The following ZNF423 variants were observed in gnomAD, a reference collection of about 807,000 sequenced individuals.
ZNF423 encodes zinc finger protein 423.
In ZNF423, 12 loss-of-function variants were observed where a neutral mutation model predicts 95.8. The observed-to-expected ratio is 0.13, with a 90% CI of 0.08 to 0.20. The LOEUF (loss-of-function observed/expected upper bound fraction) is 0.20, where lower values mean the gene tolerates loss of function less well. Among genes scored for constraint, ZNF423 ranks in the 10% least tolerant of loss-of-function variants. The pLI, the probability that ZNF423 is intolerant of heterozygous loss-of-function variation, is 1.00. For missense variants in ZNF423, 1,316 were observed against 1,737.1 expected, an observed-to-expected ratio of 0.76 and a Z score of 4.31; for synonymous variants, 749 against 711.9, an observed-to-expected ratio of 1.05 and a Z score of -0.83.
At chr16:49,810,719 G>C (rs1414079473) in intron 1 of ZNF423, among the ~76,000 whole-genome samples, 2 of 152,164 alleles carry the variant, frequency 1.3e-5, no homozygotes, top group Admixed American at 6.5e-5. Context: ...ATACAGGTGA[G>C]TACTCAGGGA....
chr16:49,854,368 G>GA, intron 1 of ZNF423: 1 of 985,464 alleles, frequency 1.0e-6, no homozygotes, highest in Non-Finnish European at 1.2e-6. Flanking sequence ...CAGAACTGAC[G>GA]AGTGTCTCAA....
chr16:49,581,967 G>A (rs1485966706), intron 5 of ZNF423, among the ~76,000 whole-genome samples: 1 of 152,178 alleles, frequency 6.6e-6, no homozygotes, highest in Non-Finnish European at 1.5e-5. Flanking sequence ...AGCTGAGTGA[G>A]TTTTTTCCTT....
chr16:49,565,389 T>G (rs1232443386), intron 5 of ZNF423, among the ~76,000 whole-genome samples: 1 of 152,178 alleles, frequency 6.6e-6, no homozygotes, highest in African/African-American at 2.4e-5. Context: ...ACCCAACTTC[T>G]CATCCCAAGG....
At chr16:49,726,663 C>T (rs1180516029) in intron 3 of ZNF423, among the ~76,000 whole-genome samples, 1 of 152,108 alleles carries the variant, frequency 6.6e-6, no homozygotes, top group African/African-American at 2.4e-5. Context: ...TTGGTGCCCA[C>T]AAACAATGTC....
chr16:49,846,524 C>T (rs2035248132), intron 1 of ZNF423, among the ~76,000 whole-genome samples: 1 of 152,164 alleles, frequency 6.6e-6, no homozygotes, highest in East Asian at 1.9e-4. Context: ...GTGTGTCTGG[C>T]CCCTGGCTGG....
intron 5 of ZNF423, among the ~76,000 whole-genome samples, chr16:49,609,039 C>T (rs1971631885): frequency 6.6e-6 from 1 of 152,188 alleles, no homozygotes; most frequent in Admixed American, 6.5e-5. Flanking sequence ...CTGGACTCCC[C>T]TCCTACCTAA....
intron 2 of ZNF423, among the ~76,000 whole-genome samples, chr16:49,774,173 G>A (rs2034082166): frequency 6.6e-6 from 1 of 152,184 alleles, no homozygotes; most frequent in Admixed American, 6.5e-5. Context: ...AGGGACTGTG[G>A]CTGGAATCCC....
chr16:49,516,437 C>T (rs990364162), intron 7 of ZNF423, among the ~76,000 whole-genome samples: 13 of 152,216 alleles, frequency 8.5e-5, no homozygotes, highest in African/African-American at 3.1e-4. Context: ...GTGTGCCAGC[C>T]ACTGTGCCAA....
chr16:49,528,730 G>GT (rs918802472), intron 5 of ZNF423, among the ~76,000 whole-genome samples: 5 of 149,376 alleles, frequency 3.3e-5, no homozygotes, highest in African/African-American at 1.2e-4. Flanking sequence ...TCCATTACGT[G>GT]TATCTCTGCC....
intron 3 of ZNF423, among the ~76,000 whole-genome samples, chr16:49,727,170 G>C (rs1487946817): frequency 6.6e-6 from 1 of 152,244 alleles, no homozygotes; most frequent in Non-Finnish European, 1.5e-5. Flanking sequence ...GCGAGAGGGA[G>C]AGAGAGGAAC....
chr16:49,579,385 A>C (rs1035425612), intron 5 of ZNF423, among the ~76,000 whole-genome samples: 1 of 151,892 alleles, frequency 6.6e-6, no homozygotes, highest in African/African-American at 2.4e-5. Flanking sequence ...CAGTCACTCC[A>C]CTTCCCTTCC....
chr16:49,829,885 A>G (rs1034774064), intron 1 of ZNF423, among the ~76,000 whole-genome samples: 8 of 152,152 alleles, frequency 5.3e-5, no homozygotes, highest in African/African-American at 1.7e-4. Flanking sequence ...CATTCAGTCA[A>G]TATCTCCTAA....
chr16:49,704,881 G>T (rs2032301545), intron 3 of ZNF423, among the ~76,000 whole-genome samples: 1 of 152,106 alleles, frequency 6.6e-6, no homozygotes, highest in Non-Finnish European at 1.5e-5. Context: ...AGTCTCTCCT[G>T]CTCATCAGCA....
intron 5 of ZNF423, among the ~76,000 whole-genome samples, chr16:49,533,994 CA>C (rs1968958692): frequency 6.6e-6 from 1 of 151,792 alleles, no homozygotes; most frequent in Non-Finnish European, 1.5e-5. Flanking sequence ...CCCATCTCTA[CA>C]AAAAAGGAAA....
intron 7 of ZNF423, among the ~76,000 whole-genome samples, chr16:49,495,022 A>T (rs1432306159): frequency 6.6e-6 from 1 of 152,186 alleles, no homozygotes; most frequent in Non-Finnish European, 1.5e-5. Context: ...CCCACAGATG[A>T]ACACTTCCCA....
intron 1 of ZNF423, among the ~76,000 whole-genome samples, chr16:49,815,914 ATTTTT>A (rs58692079): frequency 4.4e-3 from 130 of 29,654 alleles, no homozygotes; most frequent in Admixed American, 0.029. Context: ...ATATATATAT[ATTTTT>A]TTTTTTTTTT....
chr16:49,740,430 G>T (rs1481760578), intron 2 of ZNF423, among the ~76,000 whole-genome samples: 1 of 152,218 alleles, frequency 6.6e-6, no homozygotes, highest in African/African-American at 2.4e-5. Context: ...CTCGGCTTGT[G>T]CATCCATTGC....
Position 49,636,274 on chromosome 16 carries a change from T to A in ZNF423, c.2902A>T (p.Met968Leu). 1 of 1,612,876 alleles carries A rather than the reference T, an allele frequency of 6.2e-7. No homozygotes were observed. The highest frequency in any genetic ancestry group is 8.5e-7 in the Non-Finnish European group (1 of 1,180,018). ...QTHRGPAKHY[M>L]CPICGERFPS... Reference sequence around the variant, plus strand: ...AAGCGCTCACCACAGATGGGACACATGTAGTGCTTGGCAGGGCCCCGGTGC... The same window carrying A: ...AAGCGCTCACCACAGATGGGACACAAGTAGTGCTTGGCAGGGCCCCGGTGC... The change falls in exon 4 of 8, where the codon ATG becomes TTG. Residue 968 changes from methionine to leucine, a missense_variant. Physicochemically the swap from Met to Leu is conservative, Grantham distance 15 (BLOSUM62 2). Coordinates refer to ENST00000563137, the MANE Select transcript of ZNF423 (RefSeq NM_001379286.1). This position sits in a 1 kb window ranked among gnomAD's most constrained non-coding sequence, Gnocchi z 8.6.
At chr16:49,724,851 G>A (rs2032965300) in intron 3 of ZNF423, among the ~76,000 whole-genome samples, 1 of 152,194 alleles carries the variant, frequency 6.6e-6, no homozygotes, top group Non-Finnish European at 1.5e-5. Context: ...AGCGGAGAGG[G>A]GAGCCGCAAA....
Sources: allele counts gnomAD v4.1 joint callset (sites outside exome capture counted in the v4.1 genomes callset), GRCh38; gene constraint gnomAD v4.1.1; non-coding constraint Gnocchi (gnomAD v3.1); transcripts MANE v1.5; gene names NCBI Gene and HGNC (gene_info 2026-07-23, HGNC 2026-07-21).